MYO9B: variants seen among roughly 807,000 people sequenced by gnomAD.
MYO9B encodes the protein unconventional myosin-IXb.
Under a neutral mutation model 229.5 loss-of-function variants are expected in MYO9B, and 71 were observed. The ratio of observed to expected loss-of-function variants is 0.31; its 90% CI spans 0.26 to 0.38. The LOEUF (loss-of-function observed/expected upper bound fraction) is 0.38, where lower values mean the gene tolerates loss of function less well. Ranked by LOEUF, MYO9B falls within the 10% of genes least tolerant of loss-of-function variation. The pLI is 1.00. For synonymous variants in MYO9B, 1,185 were observed against 1,235.8 expected, an observed-to-expected ratio of 0.96 and a Z score of 0.86; for missense variants, 2,255 against 2,920.5, an observed-to-expected ratio of 0.77 and a Z score of 5.25.
chr19:17,076,200 G>T (rs940458988), intron 1 of MYO9B, among the ~76,000 whole-genome samples: 1 of 151,954 alleles, frequency 6.6e-6, no homozygotes, highest in Non-Finnish European at 1.5e-5. Flanking sequence ...GGGGAGGCAC[G>T]GAGGCGGGAA....
At chr19:17,169,766 C>T (rs2072700544) in intron 11 of MYO9B, among the ~76,000 whole-genome samples, 1 of 140,944 alleles carries the variant, frequency 7.1e-6, no homozygotes, top group Non-Finnish European at 1.5e-5. Flanking sequence ...CTTCTTCCCT[C>T]TGTGTCTGCA....
At position 17,196,327 on chromosome 19, in the gene MYO9B, G is replaced by A. The variant is rs148417869; in HGVS notation, c.4046+854G>A. Among the ~76,000 whole-genome samples the A allele has an allele frequency of 7.6e-4, 116 of 152,154 alleles. No homozygotes were observed. The East Asian group carries it at 0.02, about 26-fold the overall frequency. On this transcript the variant is annotated intron_variant, in intron 22 of 39. Transcript: ENST00000682292. ...TGGATGAAGGGATGGATAGATAGAA[G>A]ACAGGTAGTAATGATGGATAGAGGC...
In MYO9B at chr19:17,210,549, A is replaced by G. The variant is rs186490213; in HGVS notation, c.5797-166A>G. On this transcript the variant is annotated intron_variant, in intron 37 of 39. Transcript: ENST00000682292. ...CTGACCTTCTGTGCTCAGGACGACT[A>G]ATCGGCCACATGACCACCACTCTGT... 35 of 1,225,900 alleles carry G rather than the reference A, an allele frequency of 2.9e-5. No homozygotes were observed. The African/African-American group carries it at 4.9e-4, about 17-fold the overall frequency. 75.9% of individuals were successfully genotyped at this position (1,225,900 alleles called of 1,614,324 possible). A position where few individuals can be genotyped will look rare whatever the true frequency, so the allele number is the denominator to read the frequency against.
intron 1 of MYO9B, among the ~76,000 whole-genome samples, chr19:17,091,109 A>G (rs2057633450): frequency 6.6e-6 from 1 of 152,254 alleles, no homozygotes; most frequent in African/African-American, 2.4e-5. Context: ...CCACATGTAT[A>G]AAATAACGCC....
rs34367144 is a variant in MYO9B at position 17,188,993 on chromosome 19, C to CAA, written c.2688+965_2688+966dup. On this transcript the variant is annotated intron_variant, in intron 19 of 39. Transcript: ENST00000682292. ...TGAAACCCCGTCTCTACTAAAAATA[C>CAA]AAAAAAAAAAAAAAAAAATTAGCCA... is the stretch of plus-strand genomic sequence containing the variant. Among the ~76,000 whole-genome samples, 499 of 126,362 alleles carry CAA rather than the reference C, an allele frequency of 3.9e-3. 3 individuals carry two copies. The highest frequency in any genetic ancestry group is 8.1e-3 in the Middle Eastern group (2 of 246). 82.9% of individuals were successfully genotyped at this position (126,362 alleles called of 152,430 possible).
intron 2 of MYO9B, among the ~76,000 whole-genome samples, chr19:17,135,711 G>A (rs181648828): frequency 2.0e-5 from 3 of 152,016 alleles, no homozygotes; most frequent in Non-Finnish European, 2.9e-5. Context: ...CGGGGTAATC[G>A]GGTAATCGCA....
chr19:17,200,163 A>G (rs961461249), intron 24 of MYO9B, 130 bp from the exon 25 acceptor site: 32 of 1,209,746 alleles, frequency 2.6e-5, no homozygotes, highest in Non-Finnish European at 3.6e-5. Flanking sequence ...ATAAGCCACC[A>G]TGCCAGGCCA....
intron 1 of MYO9B, among the ~76,000 whole-genome samples, chr19:17,099,842 G>A (rs1270493088): frequency 2.7e-5 from 4 of 150,758 alleles, no homozygotes; most frequent in Non-Finnish European, 5.9e-5. Flanking sequence ...AAAAGGCCGG[G>A]TGCGGTAGCT....
chr19:17,112,014 C>T (rs2057852082), intron 2 of MYO9B, among the ~76,000 whole-genome samples: 1 of 152,144 alleles, frequency 6.6e-6, no homozygotes, highest in Non-Finnish European at 1.5e-5. Context: ...GAGGATGGAC[C>T]ATAATTTGTT....
intron 1 of MYO9B, among the ~76,000 whole-genome samples, chr19:17,090,234 C>T (rs2057624942): frequency 6.7e-6 from 1 of 148,422 alleles, no homozygotes; most frequent in Non-Finnish European, 1.5e-5. Context: ...GCCTCTGCCT[C>T]CCAGGCCCAA....
chr19:17,124,036 C>G (rs569293862), intron 2 of MYO9B, among the ~76,000 whole-genome samples: 2 of 151,742 alleles, frequency 1.3e-5, no homozygotes, highest in African/African-American at 2.4e-5. Flanking sequence ...CAGGCACTTA[C>G]CACCATCAAG....
chr19:17,135,949 G>A (rs999359709), intron 2 of MYO9B, among the ~76,000 whole-genome samples: 10 of 152,010 alleles, frequency 6.6e-5, no homozygotes, highest in Admixed American at 1.3e-4. Context: ...AAGGTACTAC[G>A]GGGACCCTGA....
chr19:17,145,988 G>C (rs12984096), intron 3 of MYO9B, among the ~76,000 whole-genome samples: 71,322 of 149,430 alleles, frequency 0.48, 17,960 homozygotes, highest in African/African-American at 0.68. Context: ...GATGGTTAGA[G>C]AGACAGATGG....
At chr19:17,137,731 C>T (rs139368541) in intron 2 of MYO9B, among the ~76,000 whole-genome samples, 113 of 152,200 alleles carry the variant, frequency 7.4e-4, no homozygotes, top group African/African-American at 2.6e-3. Flanking sequence ...AGTATCTGGG[C>T]CTCCCATGGT....
rs2072545116 is a variant in MYO9B at position 17,157,049 on chromosome 19, C to T, written c.1329+11C>T. 6.2e-7 allele frequency: 1 copy of T among 1,611,060 alleles called. No homozygotes were observed. The highest frequency in any genetic ancestry group is 2.2e-5 in the East Asian group (1 of 44,858). ...TCGCAGCTTCTGAAGGTACTGATTG[C>T]CACCTCTGTCCCTTCTCAGGCCTGG... On this transcript the variant is annotated intron_variant, in intron 7 of 39. Transcript: ENST00000682292.
At chr19:17,145,721 C>CGAG (rs754617101) in intron 3 of MYO9B, among the ~76,000 whole-genome samples, 5 of 151,906 alleles carry the variant, frequency 3.3e-5, no homozygotes, top group Non-Finnish European at 7.4e-5. Context: ...TGGGCTTTAC[C>CGAG]GAGAACAGGC....
At chr19:17,087,759 G>A (rs2057597291) in intron 1 of MYO9B, among the ~76,000 whole-genome samples, 2 of 152,088 alleles carry the variant, frequency 1.3e-5, no homozygotes, top group Non-Finnish European at 1.5e-5. Flanking sequence ...GTGAAACCCT[G>A]TCTCTAGTAA....
chr19:17,187,245 C>T (rs2072928426), intron 18 of MYO9B, among the ~76,000 whole-genome samples: 1 of 152,218 alleles, frequency 6.6e-6, no homozygotes, highest in Non-Finnish European at 1.5e-5. Flanking sequence ...GTTCCCTCCT[C>T]AGGACACAGC....
At chr19:17,081,961 C>T (rs556267715) in intron 1 of MYO9B, among the ~76,000 whole-genome samples, 36 of 151,916 alleles carry the variant, frequency 2.4e-4, no homozygotes, top group Non-Finnish European at 4.0e-4. Context: ...GGGCATGGGG[C>T]GGGGGTATAT....
Sources: allele counts gnomAD v4.1 joint callset (sites outside exome capture counted in the v4.1 genomes callset), GRCh38; gene constraint gnomAD v4.1.1; transcripts MANE v1.5; gene names NCBI Gene and HGNC (gene_info 2026-07-23, HGNC 2026-07-21).